Variants in EYA4 observed in about 807,000 individuals in gnomAD.
EYA4 encodes protein phosphatase EYA4.
A neutral mutation model predicts 87.9 loss-of-function variants in EYA4; 31 were observed. That is an observed-to-expected ratio of 0.35 (90% CI 0.27 to 0.48). EYA4 has a LOEUF of 0.48. EYA4 is among the 20% of genes least tolerant of loss of function. The pLI, the probability that EYA4 is intolerant of heterozygous loss-of-function variation, is 0.99. For synonymous variants in EYA4, 263 were observed against 270.6 expected (o/e 0.97, Z 0.28); for missense variants, 678 against 761.4 (o/e 0.89, Z 1.29).
intron 3 of EYA4, among the ~76,000 whole-genome samples, chr6:133,390,766 G>C (rs750775230): frequency 1.2e-4 from 18 of 152,050 alleles, no homozygotes; most frequent in Non-Finnish European, 1.5e-4. Context: ...TCTATTTTTA[G>C]GTAATACTTA....
In EYA4 at chr6:133,407,279, C is replaced by T. The variant is rs190439513; in HGVS notation, c.83+24838C>T. Among the ~76,000 whole-genome samples the T allele has an allele frequency of 2.1e-4, 26 of 122,678 alleles. No homozygotes were observed. In the South Asian group the frequency reaches 3.2e-3, roughly 15 times the overall value. The allele number at this position is 122,678 out of a possible 152,430, so 80.5% of individuals were successfully genotyped here. On this transcript the variant is annotated intron_variant, in intron 3 of 19. Transcript: ENST00000355286. ...TTTTTTTTTTTTTTTTGGAAGGAAA[C>T]GTATTTATCGAAAGAGATTTATTTA...
At chr6:133,303,383 A>G (rs1422015766) in intron 2 of EYA4, among the ~76,000 whole-genome samples, 1 of 152,092 alleles carries the variant, frequency 6.6e-6, no homozygotes, top group Non-Finnish European at 1.5e-5. Context: ...TCAGATATTC[A>G]CTTAACTAGA....
chr6:133,257,049 T>G (rs1775395479), intron 1 of EYA4, among the ~76,000 whole-genome samples: 2 of 152,160 alleles, frequency 1.3e-5, no homozygotes, highest in South Asian at 4.1e-4. Flanking sequence ...GGAAGCTGCT[T>G]TGTGCCTTTC....
chr6:133,406,584 T>A (rs1339836633), intron 3 of EYA4, among the ~76,000 whole-genome samples: 1 of 152,236 alleles, frequency 6.6e-6, no homozygotes, highest in Non-Finnish European at 1.5e-5. Context: ...AGATTTGTCA[T>A]GATGTTCAGT....
chr6:133,523,717 A>G (rs1800386400), intron 18 of EYA4, among the ~76,000 whole-genome samples: 2 of 152,204 alleles, frequency 1.3e-5, no homozygotes, highest in Admixed American at 1.3e-4. Context: ...GTTTATTTAG[A>G]TGATATCTGC....
chr6:133,395,966 T>C (rs1188897071), intron 3 of EYA4, among the ~76,000 whole-genome samples: 1 of 152,130 alleles, frequency 6.6e-6, no homozygotes, highest in East Asian at 1.9e-4. Flanking sequence ...TTACCAAAGG[T>C]TTTTGAAATA....
chr6:133,387,633 T>A (rs1298940858), intron 3 of EYA4, among the ~76,000 whole-genome samples: 2 of 152,176 alleles, frequency 1.3e-5, no homozygotes, highest in Non-Finnish European at 2.9e-5. Flanking sequence ...AATAATTAAT[T>A]CCTTTAATTA....
chr6:133,248,010 T>C (rs1165723662), intron 1 of EYA4: 2 of 152,216 alleles, frequency 1.3e-5, no homozygotes, highest in Admixed American at 6.5e-5. Flanking sequence ...CTACTCTCCC[T>C]TCTATAACTT....
rs1049617609 is a variant in EYA4 at position 133,457,276 on chromosome 6, G to A, written c.370+628G>A. On this transcript the variant is annotated intron_variant, in intron 6 of 19. Coordinates refer to ENST00000355286, the MANE Select transcript of EYA4 (RefSeq NM_004100.5). Reference sequence around the variant, plus strand: ...TGATAACTCCCAGCTGGGCACAAAGGGCATGAATTAAGTAGACTTAATTAA... The same window carrying A: ...TGATAACTCCCAGCTGGGCACAAAGAGCATGAATTAAGTAGACTTAATTAA... 4.6e-5 allele frequency among the ~76,000 whole-genome samples: 7 copies of A among 152,130 alleles called. No individual in the cohort carries two copies. The East Asian group carries it at 1.4e-3, about 29-fold the overall frequency.
At chr6:133,457,025 C>G (rs929371731) in intron 6 of EYA4, among the ~76,000 whole-genome samples, 2 of 152,056 alleles carry the variant, frequency 1.3e-5, no homozygotes, top group African/African-American at 4.8e-5. Flanking sequence ...GTTTAACATT[C>G]GAGATGTAAA....
chr6:133,351,168 G>A (rs1783613333), intron 2 of EYA4, among the ~76,000 whole-genome samples: 1 of 152,152 alleles, frequency 6.6e-6, no homozygotes, highest in African/African-American at 2.4e-5. Flanking sequence ...TTATAGTGAG[G>A]CTGCTGAAGC....
chr6:133,497,687 G>C (rs1797755352), intron 13 of EYA4, among the ~76,000 whole-genome samples: 1 of 152,178 alleles, frequency 6.6e-6, no homozygotes, highest in Admixed American at 6.5e-5. Flanking sequence ...CATTTTACCT[G>C]ATAACTTGCA....
intron 3 of EYA4, among the ~76,000 whole-genome samples, chr6:133,402,184 C>T (rs989799366): frequency 1.3e-5 from 2 of 151,998 alleles, no homozygotes; most frequent in African/African-American, 2.4e-5. Flanking sequence ...TACACACACA[C>T]ATACCCCTTC....
rs1554261974 is a variant in EYA4, at chr6:133,462,474, T to TA, written c.578dup (p.Tyr193Ter). 1 of 1,613,740 alleles carries TA rather than the reference T, an allele frequency of 6.2e-7. No homozygotes were observed. Among genetic ancestry groups the TA allele is most frequent in the Non-Finnish European group, 8.5e-7 (1 of 1,179,936 alleles). Reference protein sequence around the residue: ...QTGQPYSLPTYDLGVMLPAIK... With the variant: ...QTGQPYSLPT Reference sequence around the variant, plus strand: ...AGGACAGCCCTACAGCTTGCCCACTTACGGTATTTCACATCTTCTGTTTTC... The same window carrying TA: ...AGGACAGCCCTACAGCTTGCCCACTTAACGGTATTTCACATCTTCTGTTTTC... The change falls in exon 8 of 20, where the codon TAC becomes TAAC. Residue 193 changes from tyrosine (Y) to a stop codon, truncating the protein, a stop_gained and frameshift_variant. Coordinates refer to ENST00000355286, the MANE Select transcript of EYA4 (RefSeq NM_004100.5). LOFTEE classifies it high-confidence loss of function.
chr6:133,275,112 C>A (rs1332682017), intron 2 of EYA4, among the ~76,000 whole-genome samples: 1 of 151,954 alleles, frequency 6.6e-6, no homozygotes, highest in Non-Finnish European at 1.5e-5. Context: ...TTATATACGT[C>A]CTTTATTATT....
rs375598872 is a variant in EYA4 at position 133,400,444 on chromosome 6, GGTGCAGTGA to G, written c.83+18005_83+18013del. Among the ~76,000 whole-genome samples, 898 of 151,582 alleles carry G rather than the reference GGTGCAGTGA, an allele frequency of 5.9e-3. 10 individuals are homozygous for G. The highest frequency in any genetic ancestry group is 0.024 in the Middle Eastern group (7 of 290). The stretch of plus-strand genomic sequence containing the variant: ...AATTGCTTGAACCCGGGAGGCGGAG[GGTGCAGTGA>G]GCTGAGATTGCACCACTGAACTCTA... On this transcript the variant is annotated intron_variant, in intron 3 of 19. Coordinates refer to ENST00000355286, the MANE Select transcript of EYA4 (RefSeq NM_004100.5).
intron 18 of EYA4, 169 bp from the exon 19 acceptor site, chr6:133,524,985 T>C (rs748491427): frequency 5.1e-6 from 8 of 1,572,238 alleles, no homozygotes; most frequent in Non-Finnish European, 7.0e-6. Flanking sequence ...ATGCAGTGGC[T>C]GGAAGAATAA....
chr6:133,350,669 T>A lies in EYA4; in HGVS notation c.34-31723T>A, dbSNP rs1263329105. Among the ~76,000 whole-genome samples the A allele has an allele frequency of 3.3e-5, 5 of 152,060 alleles. 1 individual carries two copies. The highest frequency in any genetic ancestry group is 1.2e-4 in the African/African-American group (5 of 41,338). Reference sequence around the variant, plus strand: ...AAGTTGGCCCCTGTGGCTCTATTCTTTGTCGTTTGCTCTCTGTATCTTTTT... The same window carrying A: ...AAGTTGGCCCCTGTGGCTCTATTCTATGTCGTTTGCTCTCTGTATCTTTTT... On this transcript the variant is annotated intron_variant, in intron 2 of 19. Coordinates refer to ENST00000355286, the MANE Select transcript of EYA4 (RefSeq NM_004100.5).
At chr6:133,318,850 T>A (rs1214211148) in intron 2 of EYA4, among the ~76,000 whole-genome samples, 1 of 152,206 alleles carries the variant, frequency 6.6e-6, no homozygotes, top group Non-Finnish European at 1.5e-5. Flanking sequence ...ACTTTCTTCT[T>A]CCACTTCCTT....
Sources: allele counts gnomAD v4.1 joint callset (sites outside exome capture counted in the v4.1 genomes callset), GRCh38; gene constraint gnomAD v4.1.1; transcripts MANE v1.5; gene names NCBI Gene and HGNC (gene_info 2026-07-23, HGNC 2026-07-21).